The following CDH13 variants were observed in gnomAD, a reference collection of about 807,000 sequenced individuals.
CDH13 encodes the protein cadherin-13.
In CDH13, 24 loss-of-function variants were observed where a neutral mutation model predicts 63.8. The observed-to-expected ratio is 0.38, with a 90% CI of 0.27 to 0.53. The LOEUF (loss-of-function observed/expected upper bound fraction) is 0.53, where lower values mean the gene tolerates loss of function less well. CDH13 is among the 20% of genes least tolerant of loss of function. The pLI is 0.85. For missense variants in CDH13, 1,049 were observed against 903.1 expected, an observed-to-expected ratio of 1.16 and a Z score of -2.07; for synonymous variants, 503 against 355.3, an observed-to-expected ratio of 1.42 and a Z score of -4.67.
At chr16:83,540,136 C>G (rs1393899161) in intron 7 of CDH13, among the ~76,000 whole-genome samples, 1 of 149,682 alleles carries the variant, frequency 6.7e-6, no homozygotes, top group Non-Finnish European at 1.5e-5. Context: ...TCCATCTAGG[C>G]TAACTTCAAT....
chr16:83,230,485 AT>A (rs1460850921), intron 5 of CDH13, among the ~76,000 whole-genome samples: 1 of 152,074 alleles, frequency 6.6e-6, no homozygotes, highest in Non-Finnish European at 1.5e-5. Flanking sequence ...ATCTGGAATT[AT>A]TTTTAGAAAG....
Position 83,010,176 on chromosome 16 carries a change from G to C in CDH13, c.158-21834G>C, listed in dbSNP as rs80136888. Among the ~76,000 whole-genome samples, 499 of 122,004 alleles carry C rather than the reference G, an allele frequency of 4.1e-3. 8 individuals are homozygous for C. The highest frequency in any genetic ancestry group is 3.7e-3 in the Non-Finnish European group (212 of 57,134). The allele number at this position is 122,004 out of a possible 152,430, so 80.0% of individuals were successfully genotyped here. On this transcript the variant is annotated intron_variant, in intron 2 of 13. Transcript: ENST00000567109. ...AAAAAAAAAAAACAAGAATGGCTCA[G>C]GTAGGGGCCAAAAATCTGCATTTCT...
intron 3 of CDH13, among the ~76,000 whole-genome samples, chr16:83,111,564 T>C (rs1307132301): frequency 6.6e-6 from 1 of 152,210 alleles, no homozygotes; most frequent in Non-Finnish European, 1.5e-5. Context: ...CAGATCATGG[T>C]ATGCTAGGAC....
intron 5 of CDH13, among the ~76,000 whole-genome samples, chr16:83,327,573 C>G (rs546757497): frequency 6.6e-6 from 1 of 152,122 alleles, no homozygotes; most frequent in African/African-American, 2.4e-5. Flanking sequence ...AATTCCTAGT[C>G]GTTGAGAGCT....
intron 2 of CDH13, among the ~76,000 whole-genome samples, chr16:83,008,373 G>T (rs1423722171): frequency 6.6e-6 from 1 of 152,172 alleles, no homozygotes; most frequent in East Asian, 1.9e-4. Context: ...TTGGAAATGT[G>T]GGGGAATTGC....
At chr16:82,788,913 A>T (rs927549821) in intron 1 of CDH13, among the ~76,000 whole-genome samples, 1 of 152,212 alleles carries the variant, frequency 6.6e-6, no homozygotes, top group African/African-American at 2.4e-5. Flanking sequence ...GAAGACATTT[A>T]AAAGAAACTG....
intron 1 of CDH13, among the ~76,000 whole-genome samples, chr16:82,810,293 G>A (rs1322710762): frequency 8.5e-5 from 13 of 152,140 alleles, no homozygotes; most frequent in Admixed American, 3.9e-4. Flanking sequence ...GGCAGAACCC[G>A]TCCTTTCTCT....
intron 1 of CDH13, among the ~76,000 whole-genome samples, chr16:82,808,276 A>G (rs1455430941): frequency 1.3e-5 from 2 of 152,206 alleles, no homozygotes; most frequent in Admixed American, 6.6e-5. Context: ...CTTTGAAATA[A>G]TGGAGCTCAT....
intron 8 of CDH13, among the ~76,000 whole-genome samples, chr16:83,623,503 G>A (rs1199264864): frequency 2.0e-5 from 3 of 152,102 alleles, no homozygotes; most frequent in South Asian, 2.1e-4. Context: ...GCCTCGGAGC[G>A]GTGTGCACAG....
At chr16:83,201,408 A>G (rs1322207516) in intron 4 of CDH13, among the ~76,000 whole-genome samples, 3 of 152,166 alleles carry the variant, frequency 2.0e-5, no homozygotes, top group Non-Finnish European at 4.4e-5. Context: ...ACTTTCTTTC[A>G]ATAAGGTGGC....
intron 8 of CDH13, among the ~76,000 whole-genome samples, chr16:83,654,645 G>C (rs1054584088): frequency 3.9e-5 from 6 of 152,110 alleles, no homozygotes; most frequent in Non-Finnish European, 8.8e-5. Flanking sequence ...AATAATGCCA[G>C]GATGTTCCAA....
chr16:83,522,900 C>G (rs1195133139), intron 7 of CDH13, among the ~76,000 whole-genome samples: 1 of 152,200 alleles, frequency 6.6e-6, no homozygotes, highest in Admixed American at 6.5e-5. Flanking sequence ...GTGGCTCTTC[C>G]CAGTGTGACT....
intron 2 of CDH13, among the ~76,000 whole-genome samples, chr16:82,904,451 C>G (rs1222240617): frequency 6.6e-6 from 1 of 152,178 alleles, no homozygotes; most frequent in Non-Finnish European, 1.5e-5. Flanking sequence ...GTTCACCTTG[C>G]TCTGAATCCT....
At chr16:83,680,087 G>A (rs956630889) in intron 10 of CDH13, among the ~76,000 whole-genome samples, 8 of 152,226 alleles carry the variant, frequency 5.3e-5, no homozygotes, top group African/African-American at 1.9e-4. Flanking sequence ...TACTATATAC[G>A]ATGGAGGAAT....
chr16:83,260,747 G>A (rs138136681), intron 5 of CDH13, among the ~76,000 whole-genome samples: 1 of 152,038 alleles, frequency 6.6e-6, no homozygotes, highest in Non-Finnish European at 1.5e-5. Context: ...TCCTTCAAGG[G>A]CATCTTATTG....
chr16:83,553,725 T>C (rs375369159), intron 7 of CDH13, among the ~76,000 whole-genome samples: 1 of 152,136 alleles, frequency 6.6e-6, no homozygotes, highest in African/African-American at 2.4e-5. Flanking sequence ...CTTGGCTAAT[T>C]TTTGTATTTT....
intron 6 of CDH13, among the ~76,000 whole-genome samples, chr16:83,349,726 G>A (rs1031992602): frequency 1.3e-5 from 2 of 151,898 alleles, no homozygotes; most frequent in Admixed American, 6.6e-5. Context: ...TCAGCCTCCC[G>A]AGTAGCTGGG....
chr16:82,631,645 T>A (rs931133528), intron 1 of CDH13, among the ~76,000 whole-genome samples: 14 of 152,218 alleles, frequency 9.2e-5, no homozygotes, highest in Non-Finnish European at 4.4e-5. Flanking sequence ...TCCTCAGGTA[T>A]GAACAGGCTG....
chr16:82,833,501 C>G (rs1355734406), intron 1 of CDH13, among the ~76,000 whole-genome samples: 1 of 152,222 alleles, frequency 6.6e-6, no homozygotes, highest in Non-Finnish European at 1.5e-5. Flanking sequence ...CATGAATTCA[C>G]TATGTTGTCA....
Sources: gnomAD v4.1 joint callset for allele counts (sites outside exome capture counted in the v4.1 genomes callset) on GRCh38, gnomAD v4.1.1 for gene constraint, MANE v1.5 for transcripts, NCBI Gene and HGNC (gene_info 2026-07-23, HGNC 2026-07-21) for gene names.